The following MYO7B variants were observed in gnomAD, a reference collection of about 807,000 sequenced individuals.
MYO7B encodes unconventional myosin-VIIb.
MYO7B carries 212 observed loss-of-function variants against 259.7 expected under a neutral mutation model. The ratio of observed to expected loss-of-function variants is 0.82; its 90% CI spans 0.73 to 0.91. The LOEUF is 0.91. Ranked by LOEUF, MYO7B falls within the 40% of genes least tolerant of loss-of-function variation. The pLI is 0.00. For synonymous variants in MYO7B, 1,197 were observed against 1,166.4 expected (o/e 1.03, Z -0.54); for missense variants, 2,732 against 2,813.5 (o/e 0.97, Z 0.66).
In MYO7B at chr2:127,636,156, C is replaced by A; in HGVS notation, c.6007-52C>A. 2 of 1,471,516 alleles carry A rather than the reference C, an allele frequency of 1.4e-6. No homozygotes were observed. The highest frequency in any genetic ancestry group is 1.2e-5 in the South Asian group (1 of 85,458). 91.2% of individuals were successfully genotyped at this position (1,471,516 alleles called of 1,614,324 possible). ...TAGGCAGGTGCTGCCCCCACCAGGG[C>A]TTTGGAGGGCCTCTGGGCACCCAAG... On this transcript the variant is annotated intron_variant, in intron 44 of 47. Coordinates refer to ENST00000409816, the MANE Select transcript of MYO7B (RefSeq NM_001393586.1). The surrounding 1 kb of genome is among the most constrained non-coding windows in gnomAD (Gnocchi z 4.5).
intron 43 of MYO7B, chr2:127,635,457 C>G: frequency 1.6e-6 from 1 of 625,906 alleles, no homozygotes; most frequent in Non-Finnish European, 2.8e-6. Context: ...GAGGGTGGGA[C>G]AGAGGGTCCT....
chr2:127,540,229 T>C (rs1021689040), intron 1 of MYO7B, among the ~76,000 whole-genome samples: 3 of 151,938 alleles, frequency 2.0e-5, no homozygotes, highest in African/African-American at 7.3e-5. Flanking sequence ...AATGGCGTGA[T>C]CTCGGCTCAC....
At chr2:127,574,944 CTG>C (rs146596804) in intron 7 of MYO7B, among the ~76,000 whole-genome samples, 2 of 151,588 alleles carry the variant, frequency 1.3e-5, no homozygotes, top group African/African-American at 4.8e-5. Flanking sequence ...ATTAATGCAC[CTG>C]TGTGTGTGTG....
intron 22 of MYO7B, 113 bp downstream of exon 22, chr2:127,608,991 T>C (rs1368470248): frequency 7.4e-7 from 1 of 1,360,116 alleles, no homozygotes; most frequent in Non-Finnish European, 1.0e-6. Flanking sequence ...GGTGGCCAAG[T>C]GTGTGCTGCA....
rs539849422 is a variant in MYO7B at position 127,625,396 on chromosome 2, G to C, written c.4076G>C (p.Arg1359Pro). ...GAAGAGCTGGTTGAGCTGCTGGCCCGGCACTGCTACGTGCAGCTCGGCGCC... is the reference window on the plus strand; with the variant it reads ...GAAGAGCTGGTTGAGCTGCTGGCCCCGCACTGCTACGTGCAGCTCGGCGCC... ...KEEELVELLA[R>P]HCYVQLGASA... Residue 1359 changes from arginine to proline, a missense_variant, in exon 31 of 48, where the codon CGG (arginine) becomes CCG (proline). Physicochemically the swap from Arg to Pro is moderately radical, Grantham distance 103. Coordinates refer to ENST00000409816, the MANE Select transcript of MYO7B (RefSeq NM_001393586.1). The C allele has an allele frequency of 6.2e-7, 1 of 1,600,672 alleles. No homozygotes were observed. The highest frequency in any genetic ancestry group is 8.5e-7 in the Non-Finnish European group (1 of 1,174,678).
At chr2:127,606,004 T>C in intron 20 of MYO7B, 76 bp downstream of exon 20, 11 of 1,266,600 alleles carry the variant, frequency 8.7e-6, no homozygotes, top group Admixed American at 2.0e-5. Context: ...TTTGTAAAGT[T>C]TGTTTCTCTG....
intron 1 of MYO7B, among the ~76,000 whole-genome samples, chr2:127,552,804 C>G (rs760473508): frequency 6.6e-6 from 1 of 152,128 alleles, no homozygotes. Context: ...ACCTGCCACC[C>G]CCTGAAAGAG....
At chr2:127,637,209 C>CT (rs1281138762) in intron 47 of MYO7B, 107 bp from the exon 48 acceptor site, 1 of 957,576 alleles carries the variant, frequency 1.0e-6, no homozygotes, top group Non-Finnish European at 1.7e-6. Context: ...TCCCTTTCTC[C>CT]ATGCCCTGCA....
At chr2:127,592,755 GGGGCTT>G in intron 16 of MYO7B, 33 bp from the exon 17 acceptor site, 2 of 1,585,554 alleles carry the variant, frequency 1.3e-6, no homozygotes, top group Non-Finnish European at 1.7e-6. Context: ...GCTGGAAAGT[GGGGCTT>G]GCGCTGGGTC....
chr2:127,598,200 G>A (rs1679841602), intron 19 of MYO7B, among the ~76,000 whole-genome samples: 1 of 152,236 alleles, frequency 6.6e-6, no homozygotes, highest in Non-Finnish European at 1.5e-5. Flanking sequence ...GTTTTCAAGA[G>A]TGGCTGCACC....
In MYO7B at chr2:127,539,927, G is replaced by T. The variant is rs374562703; in HGVS notation, c.-24+4096G>T. 6.6e-6 allele frequency among the ~76,000 whole-genome samples: 1 copy of T among 152,134 alleles called. No homozygotes were observed. Among genetic ancestry groups the T allele is most frequent in the Non-Finnish European group, 1.5e-5 (1 of 68,016 alleles). Reference sequence around the variant, plus strand: ...CTCCCATTTATAAGTGAGAACATACGATATTTGGTTTTCCATTTCTGAGTT... The same window carrying T: ...CTCCCATTTATAAGTGAGAACATACTATATTTGGTTTTCCATTTCTGAGTT... On this transcript the variant is annotated intron_variant, in intron 1 of 47. Coordinates refer to ENST00000409816, the MANE Select transcript of MYO7B (RefSeq NM_001393586.1). This position sits in a 1 kb window ranked among gnomAD's most constrained non-coding sequence, Gnocchi z 4.0.
rs1406049655 is a variant in MYO7B at position 127,539,238 on chromosome 2, A to C, written c.-24+3407A>C. ...AATACAACAGAATCAAAAATAAAAT[A>C]AGCTGGGACGTAGGATAAATGAAGG... is the stretch of plus-strand genomic sequence containing the variant. On this transcript the variant is annotated intron_variant, in intron 1 of 47. Coordinates refer to ENST00000409816, the MANE Select transcript of MYO7B (RefSeq NM_001393586.1). The surrounding 1 kb of genome is among the most constrained non-coding windows in gnomAD (Gnocchi z 4.0). Among the ~76,000 whole-genome samples the C allele has an allele frequency of 6.6e-6, 1 of 152,230 alleles. No homozygotes were observed. Among genetic ancestry groups the C allele is most frequent in the Admixed American group, 6.5e-5 (1 of 15,288 alleles).
Position 127,637,401 on chromosome 2 carries a change from C to T in MYO7B, c.6413C>T (p.Ala2138Val). The T allele has an allele frequency of 1.3e-6, 2 of 1,555,078 alleles. No individual in the cohort carries two copies. Among genetic ancestry groups the T allele is most frequent in the East Asian group, 2.3e-5 (1 of 43,710 alleles). Residue 2138 changes from alanine to valine, a missense_variant, in exon 48 of 48, where the codon GCC (alanine) becomes GTC (valine). Transcript: ENST00000409816. ...MNKQRGSKAP[A>V]LAST ...AAGCAGCGGGGCTCCAAGGCCCCAG[C>T]CCTGGCCAGCACCTAGCAGCGGATG...
chr2:127,549,257 C>A (rs1467660202), intron 1 of MYO7B, among the ~76,000 whole-genome samples: 4 of 152,034 alleles, frequency 2.6e-5, no homozygotes, highest in Non-Finnish European at 5.9e-5. Context: ...CTAATACTAA[C>A]CCAACCCTTT....
rs182591236 is a variant in MYO7B, at chr2:127,539,822, C to T, written c.-24+3991C>T. On this transcript the variant is annotated intron_variant, in intron 1 of 47. Transcript: ENST00000409816. The surrounding 1 kb of genome is among the most constrained non-coding windows in gnomAD (Gnocchi z 4.0). ...GCACCCAATGTGTAGTCTTTTGTTGCTCACCCAGCTCCAGCCTTCCCCCGA... is the reference window on the plus strand; with the variant it reads ...GCACCCAATGTGTAGTCTTTTGTTGTTCACCCAGCTCCAGCCTTCCCCCGA... Among the ~76,000 whole-genome samples, 1 of 152,318 alleles carries T rather than the reference C, an allele frequency of 6.6e-6. No homozygotes were observed. The highest frequency in any genetic ancestry group is 6.5e-5 in the Admixed American group (1 of 15,304).
intron 6 of MYO7B, among the ~76,000 whole-genome samples, chr2:127,570,761 C>T (rs1678566692): frequency 6.6e-6 from 1 of 152,034 alleles, no homozygotes; most frequent in Non-Finnish European, 1.5e-5. Context: ...CCCTGTCTTC[C>T]CAACCCCTCC....
At chr2:127,578,959 A>T (rs778138196) in intron 9 of MYO7B, among the ~76,000 whole-genome samples, 2 of 152,206 alleles carry the variant, frequency 1.3e-5, no homozygotes, top group Non-Finnish European at 2.9e-5. Flanking sequence ...CTTTAAAGAC[A>T]TTATAGATTT....
intron 26 of MYO7B, among the ~76,000 whole-genome samples, chr2:127,618,460 T>G (rs12052284): frequency 0.16 from 24,077 of 152,120 alleles, 2,222 homozygotes; most frequent in South Asian, 0.31. Flanking sequence ...CAGGTTCATA[T>G]TATTACTAAC....
chr2:127,589,967 C>A, intron 15 of MYO7B, 125 bp from the exon 16 acceptor site: 1 of 1,104,918 alleles, frequency 9.1e-7, no homozygotes, highest in Non-Finnish European at 1.3e-6. Flanking sequence ...TGGGTGGATT[C>A]TTGAATAGGT....
Sources: allele counts gnomAD v4.1 joint callset (sites outside exome capture counted in the v4.1 genomes callset), GRCh38; gene constraint gnomAD v4.1.1; non-coding constraint Gnocchi (gnomAD v3.1); transcripts MANE v1.5; gene names NCBI Gene and HGNC (gene_info 2026-07-23, HGNC 2026-07-21).